ARHGAP12: variants seen among roughly 807,000 people sequenced by gnomAD.
The protein encoded by ARHGAP12 is Rho GTPase activating protein 12.
In ARHGAP12, 64 loss-of-function variants were observed where a neutral mutation model predicts 108.6. The ratio of observed to expected loss-of-function variants is 0.59; its 90% CI spans 0.48 to 0.73. ARHGAP12 has a LOEUF of 0.73. Ranked by LOEUF, ARHGAP12 falls within the 30% of genes least tolerant of loss-of-function variation. The pLI is 0.00. For synonymous variants in ARHGAP12, 312 were observed against 337.2 expected, an observed-to-expected ratio of 0.93 and a Z score of 0.82; for missense variants, 940 against 1,005.9, an observed-to-expected ratio of 0.93 and a Z score of 0.89.
At chr10:31,900,213 C>T (rs1319445984) in intron 3 of ARHGAP12, among the ~76,000 whole-genome samples, 2 of 152,046 alleles carry the variant, frequency 1.3e-5, no homozygotes, top group Non-Finnish European at 2.9e-5. Context: ...CTAGTAATAC[C>T]AAATGCTCGT....
chr10:31,857,122 T>A (rs563562939), intron 4 of ARHGAP12, among the ~76,000 whole-genome samples: 1 of 152,322 alleles, frequency 6.6e-6, no homozygotes, highest in South Asian at 2.1e-4. Context: ...ATTCAAATCA[T>A]TCATACGCAC....
chr10:31,820,919 C>T (rs1307372242), intron 11 of ARHGAP12, among the ~76,000 whole-genome samples: 1 of 151,946 alleles, frequency 6.6e-6, no homozygotes. Context: ...TATACTTTGG[C>T]TTGGCAGTTC....
intron 3 of ARHGAP12, among the ~76,000 whole-genome samples, chr10:31,882,685 T>A (rs949396058): frequency 6.6e-6 from 1 of 151,774 alleles, no homozygotes; most frequent in African/African-American, 2.4e-5. Flanking sequence ...TGGTGGCACG[T>A]GCCTGTAATC....
chr10:31,839,588 G>T, intron 8 of ARHGAP12, 49 bp downstream of exon 8: 1 of 1,471,088 alleles, frequency 6.8e-7, no homozygotes, highest in South Asian at 1.3e-5. Flanking sequence ...TGCTAAAATT[G>T]ATTGAAATAA....
intron 3 of ARHGAP12, among the ~76,000 whole-genome samples, chr10:31,892,540 CAAG>C (rs1838492842): frequency 6.6e-6 from 1 of 152,200 alleles, no homozygotes; most frequent in South Asian, 2.1e-4. Context: ...ATCAATTCAA[CAAG>C]AAGAGCTAAC....
chr10:31,840,774 A>T (rs1836234340), intron 7 of ARHGAP12, among the ~76,000 whole-genome samples: 1 of 152,160 alleles, frequency 6.6e-6, no homozygotes, highest in African/African-American at 2.4e-5. Context: ...CACAATTTGT[A>T]AATACAGAAA....
intron 3 of ARHGAP12, among the ~76,000 whole-genome samples, chr10:31,895,476 C>T (rs1293394014): frequency 6.6e-6 from 1 of 152,104 alleles, no homozygotes; most frequent in Non-Finnish European, 1.5e-5. Context: ...ATGCAGCCAA[C>T]AGACACATGA....
intron 11 of ARHGAP12, among the ~76,000 whole-genome samples, chr10:31,825,892 C>T (rs1013342784): frequency 6.6e-6 from 1 of 152,166 alleles, no homozygotes; most frequent in Non-Finnish European, 1.5e-5. Flanking sequence ...ACCTCAATCA[C>T]TGATTTGTAA....
At chr10:31,913,776 GT>G (rs35639251) in intron 1 of ARHGAP12, 10,453 of 146,400 alleles carry the variant, frequency 0.071, 1,179 homozygotes, top group African/African-American at 0.24. Flanking sequence ...TTCTAGCAGG[GT>G]TTTTTTTTTT....
rs186770269 is a variant in ARHGAP12 at position 31,846,536 on chromosome 10, C to A, written c.1171-2950G>T. Among the ~76,000 whole-genome samples the A allele has an allele frequency of 2.9e-3, 437 of 152,238 alleles. 11 individuals carry two copies. Among genetic ancestry groups the A allele is most frequent in the Admixed American group, 0.022 (339 of 15,288 alleles). On this transcript the variant is annotated intron_variant, in intron 6 of 19. Transcript: ENST00000344936. ...TTCTAGCATTTGAAAAATGTTATGCCACTTCTTTCTGGCTTCCATGGCTTC... is the reference window on the plus strand; with the variant it reads ...TTCTAGCATTTGAAAAATGTTATGCAACTTCTTTCTGGCTTCCATGGCTTC...
At chr10:31,825,851 T>C (rs1835585101) in intron 11 of ARHGAP12, among the ~76,000 whole-genome samples, 1 of 152,188 alleles carries the variant, frequency 6.6e-6, no homozygotes, top group Non-Finnish European at 1.5e-5. Context: ...TCTTTTTCTT[T>C]TGAAAGCTGG....
At position 31,831,775 on chromosome 10, in the gene ARHGAP12, T is replaced by C; in HGVS notation, c.1412A>G (p.Asn471Ser). 6.3e-7 allele frequency: 1 copy of C among 1,582,634 alleles called. No homozygotes were observed. Among genetic ancestry groups the C allele is most frequent in the Non-Finnish European group, 8.7e-7 (1 of 1,154,306 alleles). ...CCCATTTTCAGCAATTTTTGTTACA[T>C]TTAATAATCCATATTTCTCTTGATC... The part of the protein sequence containing the change: ...PKDQEKYGLL[N>S]VTKIAENGKK... Residue 471 changes from asparagine (N) to serine (S), a missense_variant, in exon 10 of 20, where the codon AAT becomes AGT. Asn to Ser is a conservative substitution (Grantham distance 46). Coordinates refer to ENST00000344936, the MANE Select transcript of ARHGAP12 (RefSeq NM_018287.7).
chr10:31,879,794 T>C (rs1837867538), intron 3 of ARHGAP12, among the ~76,000 whole-genome samples: 1 of 152,184 alleles, frequency 6.6e-6, no homozygotes, highest in African/African-American at 2.4e-5. Context: ...ATACCATCAG[T>C]GCTACACTAG....
At chr10:31,817,694 C>T in intron 13 of ARHGAP12, 94 bp downstream of exon 13, 1 of 794,070 alleles carries the variant, frequency 1.3e-6, no homozygotes, top group South Asian at 1.8e-5. Flanking sequence ...TGCCTTTTCA[C>T]ATATAGATTG....
intron 10 of ARHGAP12, among the ~76,000 whole-genome samples, chr10:31,827,332 A>G (rs1328840789): frequency 1.3e-5 from 2 of 152,208 alleles, no homozygotes; most frequent in African/African-American, 4.8e-5. Context: ...GGCCTAGCAC[A>G]GTACTTTTCA....
intron 4 of ARHGAP12, 118 bp from the exon 5 acceptor site, chr10:31,854,324 G>A (rs892472036): frequency 1.1e-6 from 1 of 880,770 alleles, no homozygotes; most frequent in Non-Finnish European, 1.6e-6. Flanking sequence ...AAATATATCT[G>A]AATATTTGAT....
At chr10:31,913,687 A>T (rs1220529600) in intron 1 of ARHGAP12, 1 of 154,020 alleles carries the variant, frequency 6.5e-6, no homozygotes, top group Non-Finnish European at 1.5e-5. Flanking sequence ...AAGAAAAAGA[A>T]GAAAGATGAG....
intron 12 of ARHGAP12, among the ~76,000 whole-genome samples, chr10:31,820,045 C>T (rs1383591696): frequency 6.6e-6 from 1 of 151,718 alleles, no homozygotes; most frequent in Non-Finnish European, 1.5e-5. Context: ...ACACCCCCTG[C>T]CCACCCCCAC....
chr10:31,826,155 T>C, intron 11 of ARHGAP12, 149 bp downstream of exon 11: 4 of 574,856 alleles, frequency 7.0e-6, no homozygotes. Flanking sequence ...TCTCATAAGT[T>C]AAAATGAATC....
Sources: gnomAD v4.1 joint callset for allele counts (sites outside exome capture counted in the v4.1 genomes callset) on GRCh38, gnomAD v4.1.1 for gene constraint, MANE v1.5 for transcripts, NCBI Gene and HGNC (gene_info 2026-07-23, HGNC 2026-07-21) for gene names.